LRRC4B: variants seen among roughly 807,000 people sequenced by gnomAD.
The protein encoded by LRRC4B is leucine-rich repeat-containing protein 4B.
LRRC4B carries 1 observed loss-of-function variant against 7.3 expected under a neutral mutation model. That is an observed-to-expected ratio of 0.14 (90% CI 0.05 to 0.65). The LOEUF (loss-of-function observed/expected upper bound fraction) is 0.65, where lower values mean the gene tolerates loss of function less well. LRRC4B is among the 30% of genes least tolerant of loss of function. The pLI is 0.84. For synonymous variants in LRRC4B, 500 were observed against 499.2 expected, an observed-to-expected ratio of 1.00 and a Z score of -0.02; for missense variants, 730 against 1,041.6, an observed-to-expected ratio of 0.70 and a Z score of 4.12.
At chr19:50,545,140 G>A (rs1323357394) in intron 2 of LRRC4B, among the ~76,000 whole-genome samples, 1 of 151,312 alleles carries the variant, frequency 6.6e-6, no homozygotes, top group African/African-American at 2.4e-5. Flanking sequence ...AGGCTTGGTG[G>A]CTCACGCCTG....
chr19:50,548,924 A>C lies in LRRC4B; in HGVS notation c.-35-51T>G. On this transcript the variant is annotated intron_variant, in intron 1 of 2. Transcript: ENST00000652263. This position sits in a 1 kb window ranked among gnomAD's most constrained non-coding sequence, Gnocchi z 6.8. ...GAGGCTTGGTGAGGGACAGGAGCCC[A>C]TGTGGCCTGGGTGCTTGCCAACACC... The C allele has an allele frequency of 9.7e-7, 1 of 1,030,098 alleles. No individual in the cohort carries two copies. The highest frequency in any genetic ancestry group is 1.7e-5 in the South Asian group (1 of 59,272). 63.8% of individuals were successfully genotyped at this position (1,030,098 alleles called of 1,614,324 possible).
At chr19:50,533,920 G>A (rs1031290930) in intron 2 of LRRC4B, among the ~76,000 whole-genome samples, 1 of 152,154 alleles carries the variant, frequency 6.6e-6, no homozygotes, top group East Asian at 1.9e-4. Context: ...TCCTTCTCCT[G>A]AGCACAGACA....
In LRRC4B at chr19:50,537,023, G is replaced by A. The variant is rs1981324197; in HGVS notation, c.297+11519C>T. ...CAGGCTACATCTGGGAGGCTAGGAA[G>A]AAGCTGGGGCTTCCAGATGAGCAAG... On this transcript the variant is annotated intron_variant, in intron 2 of 2. Transcript: ENST00000652263. This position sits in a 1 kb window ranked among gnomAD's most constrained non-coding sequence, Gnocchi z 5.5. 1.3e-5 allele frequency among the ~76,000 whole-genome samples: 2 copies of A among 152,206 alleles called. No individual in the cohort carries two copies. Among genetic ancestry groups the A allele is most frequent in the Admixed American group, 6.5e-5 (1 of 15,278 alleles).
At chr19:50,552,059 G>A (rs190529206) in intron 1 of LRRC4B, among the ~76,000 whole-genome samples, 76 of 152,242 alleles carry the variant, frequency 5.0e-4, no homozygotes, top group African/African-American at 1.6e-3. Flanking sequence ...AAGCGGGGGA[G>A]GAAGGTTGCC....
At chr19:50,522,546 G>A (rs1274620) in intron 2 of LRRC4B, among the ~76,000 whole-genome samples, 20,500 of 151,898 alleles carry the variant, frequency 0.13, 1,907 homozygotes, top group East Asian at 0.42. Context: ...GCGTGATCTC[G>A]GCTCACTGCA....
intron 2 of LRRC4B, among the ~76,000 whole-genome samples, chr19:50,535,332 C>T (rs906130973): frequency 1.3e-5 from 2 of 152,050 alleles, no homozygotes; most frequent in African/African-American, 4.8e-5. Context: ...ACAACCACAC[C>T]AGGCTAATTT....
intron 2 of LRRC4B, among the ~76,000 whole-genome samples, chr19:50,522,459 A>ATTTATTTAT (rs1491583815): frequency 8.8e-5 from 13 of 147,094 alleles, no homozygotes; most frequent in African/African-American, 2.8e-4. Flanking sequence ...TATTTTATTT[A>ATTTATTTAT]TTATTTATTT....
At chr19:50,558,968 C>T (rs575956859) in intron 1 of LRRC4B, among the ~76,000 whole-genome samples, 11 of 152,320 alleles carry the variant, frequency 7.2e-5, no homozygotes, top group South Asian at 6.2e-4. Flanking sequence ...GCCTGCGCTG[C>T]GGGAGCTGCC....
Position 50,543,600 on chromosome 19 carries a change from T to C in LRRC4B, c.297+4942A>G, listed in dbSNP as rs536092795. 8.5e-4 allele frequency among the ~76,000 whole-genome samples: 129 copies of C among 151,466 alleles called. 1 individual carries two copies. The South Asian group carries it at 0.026, about 30-fold the overall frequency. The stretch of plus-strand genomic sequence containing the variant: ...GGCGCGGTGGCTCACACCTGTAATC[T>C]CAGCACTTTGGGAGGCCGAGGTGGG... On this transcript the variant is annotated intron_variant, in intron 2 of 2. Transcript: ENST00000652263.
At chr19:50,533,221 A>G (rs1177110386) in intron 2 of LRRC4B, among the ~76,000 whole-genome samples, 1 of 151,972 alleles carries the variant, frequency 6.6e-6, no homozygotes, top group African/African-American at 2.4e-5. Context: ...GTGCTTTTTA[A>G]TTGTCCTGAT....
chr19:50,556,339 C>T lies in LRRC4B; in HGVS notation c.-35-7466G>A, dbSNP rs1373699242. On this transcript the variant is annotated intron_variant, in intron 1 of 2. Transcript: ENST00000652263. This position sits in a 1 kb window ranked among gnomAD's most constrained non-coding sequence, Gnocchi z 4.2. ...GGGGCTGTCCTTTCCCGTGCAGCCA[C>T]GCCGCTCTCCCCCAGGCTCCTCCCA... 2.0e-5 allele frequency among the ~76,000 whole-genome samples: 3 copies of T among 152,000 alleles called. No individual in the cohort carries two copies. In the South Asian group the frequency reaches 6.2e-4, roughly 31 times the overall value.
chr19:50,552,646 G>A (rs58680568), intron 1 of LRRC4B, among the ~76,000 whole-genome samples: 9,687 of 52,856 alleles, frequency 0.18, 740 homozygotes, highest in Middle Eastern at 0.31. Context: ...CCGCCCATCC[G>A]TCCATCCATC....
rs369862023 is a variant in LRRC4B, at chr19:50,524,884, A to G, written c.298-5469T>C. On this transcript the variant is annotated intron_variant, in intron 2 of 2. Transcript: ENST00000652263. ...GATGCTGCGGGTTTACTCGGTGCCC[A>G]GGGACGCTCTGTGGACACAGTCACC... Among the ~76,000 whole-genome samples the G allele has an allele frequency of 8.5e-5, 13 of 152,268 alleles. No individual in the cohort carries two copies. The East Asian group carries it at 1.7e-3, about 20-fold the overall frequency.
intron 2 of LRRC4B, among the ~76,000 whole-genome samples, chr19:50,547,998 C>T (rs977917882): frequency 6.6e-6 from 1 of 152,112 alleles, no homozygotes; most frequent in African/African-American, 2.4e-5. Flanking sequence ...ACCATGGAAA[C>T]GCCTCCTGTC....
rs752128095 is a variant in LRRC4B, at chr19:50,553,693, G to A, written c.-35-4820C>T. Among the ~76,000 whole-genome samples, 8 of 152,118 alleles carry A rather than the reference G, an allele frequency of 5.3e-5. No homozygotes were observed. The highest frequency in any genetic ancestry group is 2.0e-4 in the Admixed American group (3 of 15,260). On this transcript the variant is annotated intron_variant, in intron 1 of 2. Coordinates refer to ENST00000652263, the MANE Select transcript of LRRC4B (RefSeq NM_001080457.2). This position sits in a 1 kb window ranked among gnomAD's most constrained non-coding sequence, Gnocchi z 4.2. ...TCTGAGCTTTTATATGGGTCCGTGC[G>A]CTTGAAGGCAAGTTTCCCGAGGGCA...
chr19:50,536,016 G>T (rs1006999526), intron 2 of LRRC4B, among the ~76,000 whole-genome samples: 6 of 152,220 alleles, frequency 3.9e-5, no homozygotes, highest in African/African-American at 1.4e-4. Context: ...GGGTTAAGCT[G>T]AGGCACAGGC....
At chr19:50,521,780 G>A (rs893343932) in intron 2 of LRRC4B, among the ~76,000 whole-genome samples, 2 of 151,206 alleles carry the variant, frequency 1.3e-5, no homozygotes, top group Admixed American at 1.3e-4. Flanking sequence ...GACTGTTCTT[G>A]AACTCCCAAT....
chr19:50,540,661 T>G (rs947615018), intron 2 of LRRC4B, among the ~76,000 whole-genome samples: 1 of 151,762 alleles, frequency 6.6e-6, no homozygotes, highest in African/African-American at 2.4e-5. Context: ...CGGCCAGCAT[T>G]AGATTCTCAT....
chr19:50,535,531 TTGTG>T (rs1186300685), intron 2 of LRRC4B, among the ~76,000 whole-genome samples: 2 of 152,280 alleles, frequency 1.3e-5, no homozygotes, highest in African/African-American at 2.4e-5. Context: ...TTACTGTTGT[TTGTG>T]TGTGTGTGTT....
Sources: gnomAD v4.1 joint callset for allele counts (sites outside exome capture counted in the v4.1 genomes callset) on GRCh38, gnomAD v4.1.1 for gene constraint, Gnocchi (gnomAD v3.1) non-coding constraint, MANE v1.5 for transcripts, NCBI Gene and HGNC (gene_info 2026-07-23, HGNC 2026-07-21) for gene names.